The following NPHP4 variants were observed in gnomAD, a reference collection of about 807,000 sequenced individuals.
The protein encoded by NPHP4 is nephrocystin 4.
Under a neutral mutation model 155.8 loss-of-function variants are expected in NPHP4, and 151 were observed. That is an observed-to-expected ratio of 0.97 (90% CI 0.85 to 1.11). The LOEUF (loss-of-function observed/expected upper bound fraction) is 1.11. Among genes scored for constraint, NPHP4 ranks in the 50% least tolerant of loss-of-function variants. The probability of loss-of-function intolerance (pLI) is 0.00; values close to 1 mark genes in which losing one functional copy is unlikely to be tolerated. For synonymous variants in NPHP4, 845 were observed against 816.8 expected (o/e 1.03, Z -0.59); for missense variants, 1,956 against 1,925.7 (o/e 1.02, Z -0.29).
At chr1:5,880,785 A>G (rs1287625) in intron 18 of NPHP4, 142,160 of 154,772 alleles carry the variant, frequency 0.92, 65,470 homozygotes, top group African/African-American at 0.98. Flanking sequence ...GTGGCACCCT[A>G]CAAACTTGCA....
At chr1:5,949,343 T>TACACACACACATAC (rs1553187012) in intron 7 of NPHP4, among the ~76,000 whole-genome samples, 16 of 140,896 alleles carry the variant, frequency 1.1e-4, no homozygotes, top group African/African-American at 3.4e-4. Flanking sequence ...TTCACATACA[T>TACACACACACATAC]ACACACACAC....
At chr1:5,899,530 C>G (rs763248752) in intron 16 of NPHP4, among the ~76,000 whole-genome samples, 5 of 152,244 alleles carry the variant, frequency 3.3e-5, no homozygotes, top group Non-Finnish European at 5.9e-5. Flanking sequence ...CCTCTGCATC[C>G]TGTTCCAGAG....
At chr1:5,907,280 G>T in intron 12 of NPHP4, 58 bp from the exon 13 acceptor site, 3 of 1,162,744 alleles carry the variant, frequency 2.6e-6, no homozygotes, top group Non-Finnish European at 2.5e-6. Flanking sequence ...CGTCCACAAA[G>T]CTCCCAACAT....
At position 5,986,231 on chromosome 1, in the gene NPHP4, C is replaced by T; in HGVS notation, c.59G>A (p.Arg20Lys). The T allele has an allele frequency of 6.2e-7, 1 of 1,613,914 alleles. No individual in the cohort carries two copies. Among genetic ancestry groups the T allele is most frequent in the East Asian group, 2.2e-5 (1 of 44,886 alleles). The change falls in exon 2 of 30, where the codon AGA becomes AAA. Residue 20 changes from arginine (R) to lysine (K), a missense_variant. By Grantham distance (26) the Arg-to-Lys change is conservative. Coordinates refer to ENST00000378156, the MANE Select transcript of NPHP4 (RefSeq NM_015102.5). The stretch of plus-strand genomic sequence containing the variant: ...GGATTCCTTCCAAGGCTGGCGCGCT[C>T]TCTGTGGGTGGGGAGGGACAAGCAC... ...QNVLVPPHPQ[R>K]ARQPWKESTA...
At chr1:5,920,468 G>A (rs965003347) in intron 11 of NPHP4, among the ~76,000 whole-genome samples, 5 of 152,168 alleles carry the variant, frequency 3.3e-5, no homozygotes, top group Non-Finnish European at 7.4e-5. Flanking sequence ...TGAACCAGTA[G>A]TTGAAGGGGT....
chr1:5,978,144 G>A, intron 3 of NPHP4, 126 bp downstream of exon 3: 1 of 843,652 alleles, frequency 1.2e-6, no homozygotes, highest in Non-Finnish European at 1.9e-6. Context: ...GTGCTGCCTG[G>A]ACCCACAAGT....
chr1:5,955,167 A>T (rs1441724529), intron 6 of NPHP4, among the ~76,000 whole-genome samples: 1 of 152,240 alleles, frequency 6.6e-6, no homozygotes, highest in Non-Finnish European at 1.5e-5. Context: ...AGTGAAAATT[A>T]AAACCACAAT....
chr1:5,895,342 A>AT (rs1553165251), intron 16 of NPHP4, among the ~76,000 whole-genome samples: 2 of 150,720 alleles, frequency 1.3e-5, no homozygotes, highest in African/African-American at 4.9e-5. Flanking sequence ...TTAAAAAAAA[A>AT]TACAAAAATT....
chr1:5,868,495 C>G (rs575805586), intron 23 of NPHP4: 7 of 235,712 alleles, frequency 3.0e-5, no homozygotes, highest in Non-Finnish European at 5.9e-5. Context: ...AAGATACACA[C>G]AACCACAGAG....
chr1:5,965,759 G>A (rs563840867), intron 5 of NPHP4, among the ~76,000 whole-genome samples: 3 of 152,204 alleles, frequency 2.0e-5, no homozygotes, highest in Admixed American at 2.0e-4. Flanking sequence ...CATCGCTGCT[G>A]CTGCCCAGCG....
chr1:5,898,467 C>T (rs777595555), intron 16 of NPHP4, among the ~76,000 whole-genome samples: 1 of 152,212 alleles, frequency 6.6e-6, no homozygotes, highest in Non-Finnish European at 1.5e-5. Context: ...GGCGTGGCTG[C>T]CGGAAGCTTC....
intron 5 of NPHP4, among the ~76,000 whole-genome samples, chr1:5,966,327 TCTCTGCCTCCTG>T (rs1266391215): frequency 6.6e-6 from 1 of 152,116 alleles, no homozygotes; most frequent in Non-Finnish European, 1.5e-5. Context: ...CACACTGTAA[TCTCTGCCTCCTG>T]GGGTGAAGTG....
At position 5,872,839 on chromosome 1, in the gene NPHP4, T is replaced by C. The variant is rs377098191; in HGVS notation, c.3315+413A>G. Among the ~76,000 whole-genome samples the C allele has an allele frequency of 3.9e-5, 6 of 152,362 alleles. No individual in the cohort carries two copies. In the East Asian group the frequency reaches 1.2e-3, roughly 29 times the overall value. On this transcript the variant is annotated intron_variant, in intron 23 of 29. Transcript: ENST00000378156. ...AGCTGTTGAGAAGCAGGTGCCTTAC[T>C]ATACGGCCTTCGCTTAGCAAGGGAC...
rs1209354068 is a variant in NPHP4, at chr1:5,905,896, G to A, written c.1612-113C>T. 4 of 960,770 alleles carry A rather than the reference G, an allele frequency of 4.2e-6. No homozygotes were observed. The highest frequency in any genetic ancestry group is 6.1e-6 in the Non-Finnish European group (4 of 651,220). The allele number at this position is 960,770 out of a possible 1,614,324, so 59.5% of individuals were successfully genotyped here. A position where few individuals can be genotyped will look rare whatever the true frequency, so the allele number is the denominator to read the frequency against. On this transcript the variant is annotated intron_variant, in intron 13 of 29. Transcript: ENST00000378156. This position sits in a 1 kb window ranked among gnomAD's most constrained non-coding sequence, Gnocchi z 4.0. ...ATTAATTGCCTCTGGAGGGTTGCCA[G>A]CTCTAGCAAATACAAAAGGTTCAAT...
At chr1:5,965,384 A>G (rs1651295401) in intron 5 of NPHP4, among the ~76,000 whole-genome samples, 2 of 152,132 alleles carry the variant, frequency 1.3e-5, no homozygotes, top group East Asian at 1.9e-4. Context: ...ACACAGACGC[A>G]TGGACATGTG....
intron 1 of NPHP4, among the ~76,000 whole-genome samples, chr1:5,988,695 C>G (rs1209828702): frequency 6.6e-6 from 1 of 152,188 alleles, no homozygotes; most frequent in Non-Finnish European, 1.5e-5. Flanking sequence ...CCTGCATGCT[C>G]CCGGCATGTG....
rs1007767550 is a variant in NPHP4 at position 5,992,316 on chromosome 1, G to A, written c.-111C>T. On this transcript the variant is annotated 5_prime_UTR_variant, in exon 1 of 30. Transcript: ENST00000378156. ...GCTTTTCAGAGAGTCTCCACTCGAC[G>A]GACCCAGAGGCCCGGCGGCCGGTGC... is the stretch of plus-strand genomic sequence containing the variant. 3.3e-5 allele frequency: 5 copies of A among 152,106 alleles called. No individual in the cohort carries two copies. The highest frequency in any genetic ancestry group is 1.3e-4 in the Admixed American group (2 of 15,280). 9.4% of individuals were successfully genotyped at this position (152,106 alleles called of 1,614,324 possible).
At chr1:5,912,848 C>T (rs1317829577) in intron 11 of NPHP4, among the ~76,000 whole-genome samples, 1 of 152,130 alleles carries the variant, frequency 6.6e-6, no homozygotes, top group African/African-American at 2.4e-5. Flanking sequence ...CTCACCCCTG[C>T]GGCAGAGGCC....
At chr1:5,866,559 T>C (rs1468169470) in intron 25 of NPHP4, 101 bp from the exon 26 acceptor site, 3 of 717,204 alleles carry the variant, frequency 4.2e-6, no homozygotes, top group Non-Finnish European at 7.6e-6. Context: ...TGACGGCCAG[T>C]CCCTCCCAGA....
Sources: gnomAD v4.1 joint callset for allele counts (sites outside exome capture counted in the v4.1 genomes callset) on GRCh38, gnomAD v4.1.1 for gene constraint, Gnocchi (gnomAD v3.1) non-coding constraint, MANE v1.5 for transcripts, NCBI Gene and HGNC (gene_info 2026-07-23, HGNC 2026-07-21) for gene names.